The following LTBP2 variants were observed in gnomAD, a reference collection of about 807,000 sequenced individuals.
LTBP2 encodes the protein latent-transforming growth factor beta-binding protein 2.
In LTBP2, 103 loss-of-function variants were observed where a neutral mutation model predicts 210.6. That is an observed-to-expected ratio of 0.49 (90% confidence interval 0.42 to 0.58). The LOEUF is 0.58. Ranked by LOEUF, LTBP2 falls within the 20% of genes least tolerant of loss-of-function variation. LTBP2 has a pLI of 0.00. For synonymous variants in LTBP2, 1,007 were observed against 1,015.0 expected (o/e 0.99, Z 0.15); for missense variants, 2,313 against 2,494.5 (o/e 0.93, Z 1.55).
chr14:74,527,492 G>T, intron 12 of LTBP2, 126 bp from the exon 13 acceptor site: 1 of 1,031,164 alleles, frequency 9.7e-7, no homozygotes. Flanking sequence ...CAGCAGCACA[G>T]AAAGCGTGGA....
intron 1 of LTBP2, among the ~76,000 whole-genome samples, chr14:74,610,599 C>T (rs2088591364): frequency 6.6e-6 from 1 of 152,230 alleles, no homozygotes; most frequent in African/African-American, 2.4e-5. Context: ...GAGGCACCTG[C>T]CATACCCAGG....
chr14:74,552,837 G>A, intron 5 of LTBP2, 55 bp downstream of exon 5: 1 of 1,574,858 alleles, frequency 6.3e-7, no homozygotes. Context: ...CTGGCTCTCT[G>A]GCCATCTACC....
Position 74,586,215 on chromosome 14 carries a change from C to T in LTBP2, c.566-97G>A, listed in dbSNP as rs764698217. On this transcript the variant is annotated intron_variant, in intron 2 of 35. Transcript: ENST00000261978. This position sits in a 1 kb window ranked among gnomAD's most constrained non-coding sequence, Gnocchi z 4.6. ...GTCAGAAGGGCCCTCCTGAGTGCTG[C>T]AACCCTGTCGCTCAAGCAGGAAGCC... 77 of 1,377,710 alleles carry T rather than the reference C, an allele frequency of 5.6e-5. No homozygotes were observed. The highest frequency in any genetic ancestry group is 7.5e-5 in the Non-Finnish European group (76 of 1,013,118). The allele number at this position is 1,377,710 out of a possible 1,614,324, so 85.3% of individuals were successfully genotyped here.
rs145479288 is a variant in LTBP2, at chr14:74,552,720, TAG to T, written c.1192+170_1192+171del. ...GGACTCAGAGAGGTTATGTGACTCC[TAG>T]AGTCACACAGCTAGGCTGCCAAGTG... On this transcript the variant is annotated intron_variant, in intron 5 of 35. Transcript: ENST00000261978. Among the ~76,000 whole-genome samples, 3,409 of 152,314 alleles carry T rather than the reference TAG, an allele frequency of 0.022. 130 individuals are homozygous for T. The highest frequency in any genetic ancestry group is 0.079 in the African/African-American group (3,289 of 41,560).
rs1345048868 is a variant in LTBP2 at position 74,529,068 on chromosome 14, C to T, written c.2042G>A (p.Gly681Asp). The stretch of plus-strand genomic sequence containing the variant: ...CTGGGCCAAAGGCAGGGTGCAGGTG[C>T]CGGGCCCCAGCGACCGGTAGCACAG... ...QGLCYRSLGP[G>D]TCTLPLAQRI... Residue 681 changes from glycine to aspartate, a missense_variant, in exon 11 of 36, where the codon GGC (glycine) becomes GAC (aspartate). By Grantham distance (94) the Gly-to-Asp change is moderately conservative (BLOSUM62 -1). This residue lies in a region of LTBP2 where 1,867 missense variants were observed against 1,976.9 expected (regional missense o/e 0.94). Transcript: ENST00000261978. The T allele has an allele frequency of 6.4e-7, 1 of 1,561,200 alleles. No individual in the cohort carries two copies. The highest frequency in any genetic ancestry group is 8.7e-7 in the Non-Finnish European group (1 of 1,152,668).
At position 74,575,466 on chromosome 14, in the gene LTBP2, C is replaced by A. The variant is rs114200134; in HGVS notation, c.830+10388G>T. Among the ~76,000 whole-genome samples the A allele has an allele frequency of 3.8e-3, 579 of 152,396 alleles. 3 individuals carry two copies. The highest frequency in any genetic ancestry group is 0.013 in the African/African-American group (555 of 41,598). ...CACATACAGCTGCACAGGCTGTGCA[C>A]TGCACAACTCTTGGGTTACCTGTCA... On this transcript the variant is annotated intron_variant, in intron 3 of 35. Transcript: ENST00000261978.
intron 14 of LTBP2, among the ~76,000 whole-genome samples, 199 bp from the exon 15 acceptor site, chr14:74,525,424 A>C (rs1390217598): frequency 6.6e-6 from 1 of 152,222 alleles, no homozygotes; most frequent in Admixed American, 6.5e-5. Flanking sequence ...GAGCACATCC[A>C]GTCTAATCCT....
intron 27 of LTBP2, among the ~76,000 whole-genome samples, 158 bp downstream of exon 27, chr14:74,506,540 C>A (rs1483540652): frequency 6.6e-6 from 1 of 152,240 alleles, no homozygotes; most frequent in Non-Finnish European, 1.5e-5. Flanking sequence ...CCATGTGCCC[C>A]TGGGCGAGGA....
rs755969599 is a variant in LTBP2 at position 74,498,961 on chromosome 14, C to T, written c.*1923G>A. The T allele has an allele frequency of 4.1e-5, 9 of 222,174 alleles. No individual in the cohort carries two copies. The highest frequency in any genetic ancestry group is 6.7e-5 in the African/African-American group (3 of 44,734). The allele number at this position is 222,174 out of a possible 1,614,324, so 13.8% of individuals were successfully genotyped here. A position where few individuals can be genotyped will look rare whatever the true frequency, so the allele number is the denominator to read the frequency against. On this transcript the variant is annotated 3_prime_UTR_variant, in exon 36 of 36. Coordinates refer to ENST00000261978, the MANE Select transcript of LTBP2 (RefSeq NM_000428.3). ...CAAATGATGCAGTAATAACTTCTTA[C>T]GTATGTCATTTTATATCTGGTGAAA... is the stretch of plus-strand genomic sequence containing the variant.
intron 1 of LTBP2, among the ~76,000 whole-genome samples, chr14:74,605,503 C>T (rs1236824235): frequency 5.9e-5 from 9 of 152,184 alleles, no homozygotes; most frequent in African/African-American, 9.7e-5. Flanking sequence ...TCCGGGGGTG[C>T]GCCCCAGTGG....
chr14:74,550,047 GAC>G, intron 7 of LTBP2, 82 bp from the exon 8 acceptor site: 4 of 919,508 alleles, frequency 4.4e-6, no homozygotes, highest in Non-Finnish European at 7.2e-6. Flanking sequence ...GAAAGCCTAG[GAC>G]ACAGAGCTCA....
chr14:74,550,939 A>G (rs541917248), intron 7 of LTBP2, 125 bp downstream of exon 7: 2 of 1,261,154 alleles, frequency 1.6e-6, no homozygotes, highest in Admixed American at 1.9e-5. Context: ...CATCTGGGAA[A>G]TGGGAGAGTC....
intron 8 of LTBP2, among the ~76,000 whole-genome samples, chr14:74,539,732 G>A (rs1015510428): frequency 2.6e-5 from 4 of 151,908 alleles, no homozygotes; most frequent in Admixed American, 6.5e-5. Context: ...GGAGAGGGAG[G>A]AAGCAGAGGC....
intron 3 of LTBP2, among the ~76,000 whole-genome samples, chr14:74,557,201 C>G (rs2087741175): frequency 6.6e-6 from 1 of 152,140 alleles, no homozygotes; most frequent in South Asian, 2.1e-4. Flanking sequence ...GTGGAGGATG[C>G]AGTGAGCTGA....
chr14:74,534,061 C>T (rs780917697), intron 9 of LTBP2, among the ~76,000 whole-genome samples: 12 of 152,138 alleles, frequency 7.9e-5, no homozygotes, highest in Non-Finnish European at 1.2e-4. Context: ...GGGCACTACT[C>T]CTTGGTAGGA....
At chr14:74,533,365 G>A (rs1356038779) in intron 9 of LTBP2, among the ~76,000 whole-genome samples, 1 of 152,072 alleles carries the variant, frequency 6.6e-6, no homozygotes, top group African/African-American at 2.4e-5. Context: ...AGAGTGGCAT[G>A]TTGAGATGCA....
At chr14:74,530,955 AG>A (rs549976648) in intron 10 of LTBP2, among the ~76,000 whole-genome samples, 121 of 152,358 alleles carry the variant, frequency 7.9e-4, no homozygotes, top group Non-Finnish European at 1.3e-3. Context: ...GGCTTGTTAA[AG>A]GTCATGTGCC....
chr14:74,504,692 G>T, intron 30 of LTBP2, 86 bp downstream of exon 30: 1 of 1,334,622 alleles, frequency 7.5e-7, no homozygotes, highest in Non-Finnish European at 1.1e-6. Context: ...AGGGCTGGAT[G>T]CAGAACTTCC....
At chr14:74,573,542 C>T (rs11624749) in intron 3 of LTBP2, among the ~76,000 whole-genome samples, 55,197 of 151,878 alleles carry the variant, frequency 0.36, 12,261 homozygotes, top group Non-Finnish European at 0.5. Context: ...CCACCAGAGG[C>T]CGCAGCCCTG....
Sources: gnomAD v4.1 joint callset for allele counts (sites outside exome capture counted in the v4.1 genomes callset) on GRCh38, gnomAD v4.1.1 for gene constraint, gnomAD v4.1.1 regional missense constraint, Gnocchi (gnomAD v3.1) non-coding constraint, MANE v1.5 for transcripts, NCBI Gene and HGNC (gene_info 2026-07-23, HGNC 2026-07-21) for gene names.